Variants in UHRF1 observed in about 807,000 individuals in gnomAD.
The protein encoded by UHRF1 is E3 ubiquitin-protein ligase UHRF1.
UHRF1 carries 9 observed loss-of-function variants against 96.5 expected under a neutral mutation model. The ratio of observed to expected loss-of-function variants is 0.09; its 90% CI spans 0.06 to 0.16. UHRF1 has a LOEUF of 0.16. Ranked by LOEUF, UHRF1 falls within the 10% of genes least tolerant of loss-of-function variation. The probability of loss-of-function intolerance (pLI) is 1.00; values close to 1 mark genes in which losing one functional copy is unlikely to be tolerated. For synonymous variants in UHRF1, 455 were observed against 469.9 expected (o/e 0.97, Z 0.41); for missense variants, 626 against 1,131.1 (o/e 0.55, Z 6.40).
At chr19:4,916,891 C>T (rs574733489) in intron 2 of UHRF1, among the ~76,000 whole-genome samples, 1 of 152,274 alleles carries the variant, frequency 6.6e-6, no homozygotes, top group East Asian at 1.9e-4. Flanking sequence ...CCCTCCTGAT[C>T]GAGGCTTACA....
intron 9 of UHRF1, 146 bp from the exon 10 acceptor site, chr19:4,945,715 A>C: frequency 1.6e-6 from 1 of 618,382 alleles, no homozygotes. Context: ...GCCGAGCAGC[A>C]CACGTAGTAG....
At position 4,954,865 on chromosome 19, in the gene UHRF1, T is replaced by C. The variant is rs750747844; in HGVS notation, c.2130+43T>C. The C allele has an allele frequency of 2.5e-6, 4 of 1,603,244 alleles. No homozygotes were observed. Among genetic ancestry groups the C allele is most frequent in the Non-Finnish European group, 2.6e-6 (3 of 1,173,756 alleles). ...ACTCGTCGCCCTGATTTGCGTTGAC[T>C]GCGGTAAAATGTGTGGGGCTTGTTT... On this transcript the variant is annotated intron_variant, in intron 15 of 16. Coordinates refer to ENST00000650932, the MANE Select transcript of UHRF1 (RefSeq NM_001048201.3). The surrounding 1 kb of genome is among the most constrained non-coding windows in gnomAD (Gnocchi z 5.9).
At chr19:4,940,228 G>A (rs566896883) in intron 5 of UHRF1, among the ~76,000 whole-genome samples, 5 of 151,956 alleles carry the variant, frequency 3.3e-5, no homozygotes, top group African/African-American at 4.8e-5. Context: ...CATACACAGC[G>A]TGTGTTCAAG....
intron 16 of UHRF1, among the ~76,000 whole-genome samples, chr19:4,958,961 CAAA>C (rs750693594): frequency 1.2e-4 from 11 of 89,320 alleles, no homozygotes; most frequent in African/African-American, 2.7e-4. Context: ...GATTCTGTCT[CAAA>C]AAAAAAAAAA....
At chr19:4,956,411 T>C (rs1348054634) in intron 15 of UHRF1, among the ~76,000 whole-genome samples, 2 of 152,194 alleles carry the variant, frequency 1.3e-5, no homozygotes, top group African/African-American at 4.8e-5. Flanking sequence ...AGGGTGTGCT[T>C]GGTGGTGCCA....
chr19:4,950,404 C>T (rs998220017), intron 11 of UHRF1, among the ~76,000 whole-genome samples: 13 of 151,766 alleles, frequency 8.6e-5, no homozygotes, highest in East Asian at 1.9e-4. Context: ...CCACCACGCC[C>T]GGCTAACTTT....
Position 4,941,882 on chromosome 19 carries a change from A to T in UHRF1, c.1024A>T (p.Ile342Phe). 1 of 1,549,488 alleles carries T rather than the reference A, an allele frequency of 6.5e-7. No homozygotes were observed. Among genetic ancestry groups the T allele is most frequent in the Non-Finnish European group, 8.7e-7 (1 of 1,146,644 alleles). The change falls in exon 7 of 17, where the codon ATC (isoleucine) becomes TTC (phenylalanine). Residue 342 changes from isoleucine (I) to phenylalanine (F), a missense_variant. Physicochemically the swap from Ile to Phe is conservative, Grantham distance 21 (BLOSUM62 0). Around this residue, in one of 11 missense-constraint regions of UHRF1, gnomAD observed 69 missense variants for 159.8 expected, o/e 0.43. Coordinates refer to ENST00000650932, the MANE Select transcript of UHRF1 (RefSeq NM_001048201.3). ...CGATGAGTGCGACATGGCCTTCCAC[A>T]TCTACTGCCTGGACCCGCCCCTCAG... ...MCDECDMAFH[I>F]YCLDPPLSSV...
chr19:4,915,876 G>A (rs899956869), intron 2 of UHRF1, among the ~76,000 whole-genome samples: 9 of 152,206 alleles, frequency 5.9e-5, no homozygotes, highest in African/African-American at 1.9e-4. Flanking sequence ...TGCTGGAACA[G>A]ATCCTTACGT....
intron 1 of UHRF1, 145 bp downstream of exon 1, chr19:4,909,800 A>G (rs1599232032): frequency 2.3e-6 from 1 of 435,688 alleles, no homozygotes; most frequent in Non-Finnish European, 4.0e-6. Flanking sequence ...CTTCCACCTA[A>G]CCCTCGGGAA....
exon 1 of UHRF1, chr19:4,903,108 C>G (rs2031981267): frequency 5.0e-6 from 2 of 401,632 alleles, no homozygotes; most frequent in Non-Finnish European, 9.4e-6. Context: ...CTCACTGCAA[C>G]CTCCGCCTCA....
At chr19:4,943,128 T>C (rs1049018156) in intron 7 of UHRF1, among the ~76,000 whole-genome samples, 2 of 150,488 alleles carry the variant, frequency 1.3e-5, no homozygotes, top group African/African-American at 4.9e-5. Flanking sequence ...TAATCCCAGC[T>C]ACTCGGGAGG....
rs1355987958 is a variant in UHRF1, at chr19:4,941,735, C to G, written c.887-10C>G. 6.5e-7 allele frequency: 1 copy of G among 1,547,804 alleles called. No individual in the cohort carries two copies. The highest frequency in any genetic ancestry group is 8.7e-7 in the Non-Finnish European group (1 of 1,145,714). ...CCCCGCCGGAGCTGACCCTGCCGCCCCGTGCCCAGGGAAGAGCGGGCCGTC... is the reference window on the plus strand; with the variant it reads ...CCCCGCCGGAGCTGACCCTGCCGCCGCGTGCCCAGGGAAGAGCGGGCCGTC... On this transcript the variant is annotated splice_polypyrimidine_tract_variant and intron_variant, in intron 6 of 16. Transcript: ENST00000650932.
At chr19:4,941,663 G>A (rs771420024) in intron 6 of UHRF1, 35 bp downstream of exon 6, 33 of 1,595,678 alleles carry the variant, frequency 2.1e-5, no homozygotes, top group East Asian at 6.9e-5. Flanking sequence ...CATCTTCCGC[G>A]GTGGGCACGG....
Position 4,930,999 on chromosome 19 carries a change from C to T in UHRF1, c.569+123C>T, listed in dbSNP as rs2146332038. On this transcript the variant is annotated intron_variant, in intron 4 of 16. Transcript: ENST00000650932. This position sits in a 1 kb window ranked among gnomAD's most constrained non-coding sequence, Gnocchi z 4.4. The stretch of plus-strand genomic sequence containing the variant: ...TGGTGATCAGGATCTGGGGCCCCAT[C>T]CTCGAATTCCTAACAGCATACGAGG... 1 of 1,326,970 alleles carries T rather than the reference C, an allele frequency of 7.5e-7. No individual in the cohort carries two copies. The highest frequency in any genetic ancestry group is 1.3e-5 in the South Asian group (1 of 74,906). The allele number at this position is 1,326,970 out of a possible 1,614,324, so 82.2% of individuals were successfully genotyped here.
rs557943293 is a variant in UHRF1, at chr19:4,953,770, A to G, written c.1819-580A>G. The stretch of plus-strand genomic sequence containing the variant: ...ATAAAAATTAGAATGTTTAATATTA[A>G]TATTTTATATTTAGCCTGTAATCCC... On this transcript the variant is annotated intron_variant, in intron 13 of 16. Transcript: ENST00000650932. 3.3e-5 allele frequency among the ~76,000 whole-genome samples: 5 copies of G among 152,250 alleles called. No individual in the cohort carries two copies. The East Asian group carries it at 9.7e-4, about 29-fold the overall frequency.
In UHRF1 at chr19:4,930,036, G is replaced by A. The variant is rs2146329732; in HGVS notation, c.408+560G>A. Among the ~76,000 whole-genome samples, 1 of 152,158 alleles carries A rather than the reference G, an allele frequency of 6.6e-6. No individual in the cohort carries two copies. Among genetic ancestry groups the A allele is most frequent in the East Asian group, 1.9e-4 (1 of 5,180 alleles). On this transcript the variant is annotated intron_variant, in intron 3 of 16. Transcript: ENST00000650932. The surrounding 1 kb of genome is among the most constrained non-coding windows in gnomAD (Gnocchi z 4.4). ...GTCGCCCAGGCTGGAGTACAGTGGT[G>A]CCATCTCGGCTCATTGCAACCTCCA...
At chr19:4,928,372 T>A (rs1167237768) in intron 2 of UHRF1, among the ~76,000 whole-genome samples, 1 of 151,458 alleles carries the variant, frequency 6.6e-6, no homozygotes, top group Non-Finnish European at 1.5e-5. Context: ...AGGGTCCTTG[T>A]TGGGTGTTGG....
intron 10 of UHRF1, among the ~76,000 whole-genome samples, chr19:4,946,851 C>T (rs761022049): frequency 2.6e-4 from 39 of 152,264 alleles, no homozygotes; most frequent in Middle Eastern, 6.8e-3. Context: ...GCTGGGATTA[C>T]GGGTGTGAGC....
chr19:4,930,915 T>C lies in UHRF1; in HGVS notation c.569+39T>C. On this transcript the variant is annotated intron_variant, in intron 4 of 16. Transcript: ENST00000650932. The surrounding 1 kb of genome is among the most constrained non-coding windows in gnomAD (Gnocchi z 4.4). ...GGTGGGCGGGCCTGGGTATTCAGGCTCTGTGACGCGCATCCTTGGCTGCGG... is the reference window on the plus strand; with the variant it reads ...GGTGGGCGGGCCTGGGTATTCAGGCCCTGTGACGCGCATCCTTGGCTGCGG... The C allele has an allele frequency of 6.2e-7, 1 of 1,609,612 alleles. No individual in the cohort carries two copies.
Sources: allele counts gnomAD v4.1 joint callset (sites outside exome capture counted in the v4.1 genomes callset), GRCh38; gene constraint gnomAD v4.1.1; regional missense constraint gnomAD v4.1.1; non-coding constraint Gnocchi (gnomAD v3.1); transcripts MANE v1.5; gene names NCBI Gene and HGNC (gene_info 2026-07-23, HGNC 2026-07-21).